WDR64: variants seen among roughly 807,000 people sequenced by gnomAD.
The protein encoded by WDR64 is WD repeat-containing protein 64.
WDR64 carries 112 observed loss-of-function variants against 139.3 expected under a neutral mutation model. That is an observed-to-expected ratio of 0.80 (90% CI 0.69 to 0.94). The LOEUF (loss-of-function observed/expected upper bound fraction) is 0.94, where lower values mean the gene tolerates loss of function less well. Ranked by LOEUF, WDR64 falls within the 40% of genes least tolerant of loss-of-function variation. WDR64 has a pLI of 0.00. For synonymous variants in WDR64, 444 were observed against 437.7 expected (o/e 1.01, Z -0.18); for missense variants, 1,206 against 1,293.1 (o/e 0.93, Z 1.03).
chr1:241,713,024 T>C (rs1224043417), intron 9 of WDR64, among the ~76,000 whole-genome samples: 1 of 151,210 alleles, frequency 6.6e-6, no homozygotes, highest in Non-Finnish European at 1.5e-5. Context: ...AAATAACACC[T>C]GGACAGGCGC....
chr1:241,736,144 T>G (rs1196220819), intron 10 of WDR64, among the ~76,000 whole-genome samples: 2 of 152,138 alleles, frequency 1.3e-5, no homozygotes, highest in Non-Finnish European at 2.9e-5. Context: ...CATGGAGGTC[T>G]TCTGGTCCTG....
chr1:241,671,150 C>T lies in WDR64; in HGVS notation c.353C>T (p.Ser118Phe), dbSNP rs1405883719. The change falls in exon 3 of 28, where the codon TCT (serine) becomes TTT (phenylalanine). Residue 118 changes from serine to phenylalanine, a missense_variant. By Grantham distance (155) the Ser-to-Phe change is radical. Coordinates refer to ENST00000437684, the MANE Select transcript of WDR64 (RefSeq NM_001367482.1). Reference protein sequence around the residue: ...LDEENLVFFVSRKRRILISGS... With the variant: ...LDEENLVFFVFRKRRILISGS... The stretch of plus-strand genomic sequence containing the variant: ...GAAGAAAATTTGGTTTTCTTTGTGT[C>T]TAGAAAAAGGCGAATTTTAATTTCA... 9.0e-6 allele frequency: 14 copies of T among 1,550,382 alleles called. No homozygotes were observed. The highest frequency in any genetic ancestry group is 1.7e-4 in the Middle Eastern group (1 of 5,982).
chr1:241,659,521 C>G (rs1321944896), intron 1 of WDR64, among the ~76,000 whole-genome samples: 1 of 152,212 alleles, frequency 6.6e-6, no homozygotes, highest in East Asian at 1.9e-4. Context: ...TTTACACTTC[C>G]ATCAACAGTG....
chr1:241,799,759 G>C (rs1041398580), intron 27 of WDR64, among the ~76,000 whole-genome samples: 9 of 152,058 alleles, frequency 5.9e-5, no homozygotes, highest in Non-Finnish European at 1.2e-4. Flanking sequence ...GGTCTCTCCT[G>C]GTCAGAATAA....
chr1:241,768,042 G>A (rs2148295078), intron 16 of WDR64, among the ~76,000 whole-genome samples: 1 of 152,338 alleles, frequency 6.6e-6, no homozygotes, highest in Admixed American at 6.5e-5. Context: ...AGGGAAATCA[G>A]ATAGACTAAG....
chr1:241,711,531 C>T (rs1322698286), intron 8 of WDR64, among the ~76,000 whole-genome samples: 1 of 152,176 alleles, frequency 6.6e-6, no homozygotes, highest in Non-Finnish European at 1.5e-5. Context: ...GGCCCATCCT[C>T]ACCACAAGCA....
At chr1:241,665,882 C>T (rs1476556026) in intron 2 of WDR64, among the ~76,000 whole-genome samples, 2 of 151,978 alleles carry the variant, frequency 1.3e-5, no homozygotes, top group South Asian at 2.1e-4. Context: ...ATGTTCCCTC[C>T]CAAAAGTGAA....
chr1:241,778,418 C>G (rs1285765903), intron 21 of WDR64, among the ~76,000 whole-genome samples: 1 of 152,166 alleles, frequency 6.6e-6, no homozygotes, highest in African/African-American at 2.4e-5. Context: ...TTATACACAA[C>G]ATACAGTGGC....
At chr1:241,737,402 G>A (rs1041217531) in intron 10 of WDR64, among the ~76,000 whole-genome samples, 1 of 152,186 alleles carries the variant, frequency 6.6e-6, no homozygotes, top group African/African-American at 2.4e-5. Flanking sequence ...CCTCAAATTA[G>A]AAGTTAGTAG....
intron 8 of WDR64, among the ~76,000 whole-genome samples, chr1:241,710,254 T>A (rs1668108009): frequency 6.6e-6 from 1 of 151,988 alleles, no homozygotes; most frequent in African/African-American, 2.4e-5. Context: ...TGTTACCCCA[T>A]CTGATCAATG....
chr1:241,738,765 T>G (rs1669423884), intron 11 of WDR64, among the ~76,000 whole-genome samples: 1 of 152,192 alleles, frequency 6.6e-6, no homozygotes, highest in South Asian at 2.1e-4. Context: ...TTTGAGTAAT[T>G]CTATAGTTAT....
intron 6 of WDR64, 70 bp from the exon 7 acceptor site, chr1:241,683,417 A>T (rs1666890108): frequency 6.9e-7 from 1 of 1,455,536 alleles, no homozygotes; most frequent in Non-Finnish European, 9.3e-7. Context: ...AATTTTTGTC[A>T]AATAATAGGG....
chr1:241,747,041 G>A lies in WDR64; in HGVS notation c.1595-2506G>A, dbSNP rs371941271. 6.5e-4 allele frequency among the ~76,000 whole-genome samples: 99 copies of A among 152,266 alleles called. 3 individuals are homozygous for A. The South Asian group carries it at 0.019, about 29-fold the overall frequency. On this transcript the variant is annotated intron_variant, in intron 13 of 27. Transcript: ENST00000437684. ...ATCCCAAAGTGCTGGGATTACAGGC[G>A]TGAGCCACCGCACCCAGCCAATAAC...
At chr1:241,776,562 C>T (rs1208225106) in intron 21 of WDR64, among the ~76,000 whole-genome samples, 2 of 151,966 alleles carry the variant, frequency 1.3e-5, no homozygotes, top group Non-Finnish European at 1.5e-5. Flanking sequence ...TGCTTACCAC[C>T]AATCCTTTTA....
chr1:241,663,464 C>T (rs941743849), intron 2 of WDR64, among the ~76,000 whole-genome samples: 2 of 152,254 alleles, frequency 1.3e-5, no homozygotes, highest in Non-Finnish European at 1.5e-5. Flanking sequence ...GAGGTGTACA[C>T]ACCAGTGGTG....
chr1:241,736,154 G>C (rs753242527), intron 10 of WDR64, among the ~76,000 whole-genome samples: 4 of 152,066 alleles, frequency 2.6e-5, no homozygotes, highest in Non-Finnish European at 5.9e-5. Context: ...TTCTGGTCCT[G>C]TCTGTCTGCA....
chr1:241,705,788 TA>T (rs1216972311), intron 8 of WDR64, among the ~76,000 whole-genome samples: 1 of 151,792 alleles, frequency 6.6e-6, no homozygotes, highest in Admixed American at 6.6e-5. Context: ...GGGGTCTTGT[TA>T]TGTTGCCCAG....
At chr1:241,662,672 T>C (rs192360198) in intron 2 of WDR64, among the ~76,000 whole-genome samples, 3 of 152,308 alleles carry the variant, frequency 2.0e-5, no homozygotes, top group Admixed American at 6.5e-5. Flanking sequence ...ATAGAGATTA[T>C]ACAAAAGTGT....
rs181065099 is a variant in WDR64, at chr1:241,741,779, A to C, written c.1470+115A>C. 2.8e-6 allele frequency: 3 copies of C among 1,073,462 alleles called. No homozygotes were observed. In the Admixed American group the frequency reaches 1.1e-4, roughly 39 times the overall value. The allele number at this position is 1,073,462 out of a possible 1,614,324, so 66.5% of individuals were successfully genotyped here. A position where few individuals can be genotyped will look rare whatever the true frequency, so the allele number is the denominator to read the frequency against. ...ATGTAGCGGCACATACGATGAGACC[A>C]TACATTAGAATGATTTTTAAGCTTC... On this transcript the variant is annotated intron_variant, in intron 12 of 27. Coordinates refer to ENST00000437684, the MANE Select transcript of WDR64 (RefSeq NM_001367482.1).
Sources: allele counts gnomAD v4.1 joint callset (sites outside exome capture counted in the v4.1 genomes callset), GRCh38; gene constraint gnomAD v4.1.1; transcripts MANE v1.5; gene names NCBI Gene and HGNC (gene_info 2026-07-23, HGNC 2026-07-21).